TENM3: variants seen among roughly 807,000 people sequenced by gnomAD.
The protein encoded by TENM3 is teneurin-3.
Under a neutral mutation model 255.1 loss-of-function variants are expected in TENM3, and 63 were observed. The observed-to-expected ratio is 0.25, with a 90% CI of 0.20 to 0.30. The LOEUF is 0.30. Ranked by LOEUF, TENM3 falls within the 10% of genes least tolerant of loss-of-function variation. TENM3 has a pLI of 1.00. For missense variants in TENM3, 2,929 were observed against 3,461.1 expected, an observed-to-expected ratio of 0.85 and a Z score of 3.86; for synonymous variants, 1,306 against 1,322.3, an observed-to-expected ratio of 0.99 and a Z score of 0.27.
chr4:181,754,445 G>A, the TENM3 span, among the ~76,000 whole-genome samples: 2 of 152,094 alleles, frequency 1.3e-5, no homozygotes, highest in Non-Finnish European at 2.9e-5. Flanking sequence ...TTCAGTAAAG[G>A]AAAGAGACAT....
chr4:182,665,160 G>A (rs4473692), intron 6 of TENM3, among the ~76,000 whole-genome samples: 35,836 of 152,098 alleles, frequency 0.24, 4,506 homozygotes, highest in East Asian at 0.39. Flanking sequence ...TGCAGCTGGT[G>A]ACTTGAAGTT....
chr4:181,919,374 G>GGTGTGTGTGT, the TENM3 span, among the ~76,000 whole-genome samples: 1,639 of 146,838 alleles, frequency 0.011, 42 homozygotes, highest in African/African-American at 0.035. Flanking sequence ...AAGCAAAGCA[G>GGTGTGTGTGT]GTGTGTGTGT....
chr4:181,480,893 G>A, the TENM3 span, among the ~76,000 whole-genome samples: 1 of 150,668 alleles, frequency 6.6e-6, no homozygotes, highest in East Asian at 1.9e-4. Context: ...GAATGATAAG[G>A]TTGAAAGGTC....
At chr4:182,755,503 C>G (rs1001808297) in intron 22 of TENM3, 2 of 447,328 alleles carry the variant, frequency 4.5e-6, no homozygotes, top group East Asian at 3.9e-5. Flanking sequence ...GATTGTGCCA[C>G]TGCACTCCAG....
the TENM3 span, among the ~76,000 whole-genome samples, chr4:181,698,707 C>T: frequency 6.6e-6 from 1 of 152,180 alleles, no homozygotes; most frequent in African/African-American, 2.4e-5. Context: ...CACCTAACTT[C>T]GTTAGACCTC....
intron 5 of TENM3, among the ~76,000 whole-genome samples, chr4:182,647,685 T>A (rs901791301): frequency 2.0e-5 from 3 of 152,190 alleles, no homozygotes; most frequent in Non-Finnish European, 4.4e-5. Flanking sequence ...GGTAAGAACA[T>A]GAGTGTGTAA....
At chr4:181,576,283 C>CT in the TENM3 span, among the ~76,000 whole-genome samples, 1 of 152,170 alleles carries the variant, frequency 6.6e-6, no homozygotes, top group Non-Finnish European at 1.5e-5. Flanking sequence ...TGATTTCATT[C>CT]TTTTTTATAG....
chr4:182,601,402 AC>A (rs1747840637), intron 4 of TENM3, among the ~76,000 whole-genome samples: 1 of 151,846 alleles, frequency 6.6e-6, no homozygotes. Context: ...CTTCAGTGAA[AC>A]TTTCCCTTAC....
chr4:182,523,396 C>T (rs1389465313), intron 3 of TENM3, among the ~76,000 whole-genome samples: 3 of 152,038 alleles, frequency 2.0e-5, no homozygotes, highest in Admixed American at 6.6e-5. Context: ...GCTTTGTCCT[C>T]GGTTATGTTA....
the TENM3 span, among the ~76,000 whole-genome samples, chr4:181,855,377 C>A: frequency 6.6e-6 from 1 of 152,124 alleles, no homozygotes; most frequent in Non-Finnish European, 1.5e-5. Flanking sequence ...ATGTACTTCT[C>A]TAAACTTATA....
At chr4:182,726,669 A>T (rs765168912) in intron 13 of TENM3, among the ~76,000 whole-genome samples, 7 of 152,192 alleles carry the variant, frequency 4.6e-5, no homozygotes, top group Non-Finnish European at 7.3e-5. Context: ...GAAAAGTTTC[A>T]TCTGTTGCCC....
At chr4:182,724,450 G>C (rs944477311) in intron 13 of TENM3, among the ~76,000 whole-genome samples, 1 of 152,220 alleles carries the variant, frequency 6.6e-6, no homozygotes, top group African/African-American at 2.4e-5. Flanking sequence ...GCAAGTTACT[G>C]ATAAACTCTG....
At chr4:181,897,712 T>G in the TENM3 span, among the ~76,000 whole-genome samples, 1 of 152,224 alleles carries the variant, frequency 6.6e-6, no homozygotes, top group Non-Finnish European at 1.5e-5. Flanking sequence ...GAAACACTGT[T>G]GGGCAAGGAC....
the TENM3 span, among the ~76,000 whole-genome samples, chr4:182,001,313 T>A: frequency 6.6e-6 from 1 of 152,030 alleles, no homozygotes; most frequent in Non-Finnish European, 1.5e-5. Flanking sequence ...ATGTGGGTGG[T>A]CTTTCGAAAT....
chr4:181,964,076 T>C, the TENM3 span, among the ~76,000 whole-genome samples: 2 of 152,038 alleles, frequency 1.3e-5, no homozygotes, highest in African/African-American at 4.8e-5. Flanking sequence ...GATTTTTTTT[T>C]TTTTTTTGAG....
chr4:182,144,956 C>T (rs1483698019), intron 1 of TENM3: 1 of 151,932 alleles, frequency 6.6e-6, no homozygotes, highest in Non-Finnish European at 1.5e-5. Context: ...CCAGCCACCT[C>T]CGGCCGCCGG....
chr4:181,643,494 C>T, the TENM3 span, among the ~76,000 whole-genome samples: 3 of 152,220 alleles, frequency 2.0e-5, no homozygotes, highest in Admixed American at 6.5e-5. Context: ...CTTTCTCTTG[C>T]CTGATTGCCC....
chr4:181,605,592 A>AG, the TENM3 span, among the ~76,000 whole-genome samples: 108 of 115,958 alleles, frequency 9.3e-4, 2 homozygotes, highest in Non-Finnish European at 1.6e-3. Context: ...AAGGAAAGAA[A>AG]GAAAGAAAGA....
chr4:182,396,248 G>C (rs928993202), intron 3 of TENM3, among the ~76,000 whole-genome samples: 2 of 152,104 alleles, frequency 1.3e-5, no homozygotes, highest in African/African-American at 4.8e-5. Flanking sequence ...TGTCTTTCTG[G>C]ATGAGGCTGT....
Sources: allele counts gnomAD v4.1 joint callset (sites outside exome capture counted in the v4.1 genomes callset), GRCh38; gene constraint gnomAD v4.1.1; transcripts MANE v1.5; gene names NCBI Gene and HGNC (gene_info 2026-07-23, HGNC 2026-07-21).